Variants in SPNS3 observed in about 807,000 individuals in gnomAD.
SPNS3 encodes the protein SPNS lysolipid transporter 3, sphingosine-1-phosphate (putative).
Under a neutral mutation model 54.4 loss-of-function variants are expected in SPNS3, and 51 were observed. That is an observed-to-expected ratio of 0.94 (90% confidence interval 0.75 to 1.18). The LOEUF is 1.18. SPNS3 is among the 50% of genes most tolerant of loss of function. The pLI is 0.00. For missense variants in SPNS3, 669 were observed against 677.4 expected (o/e 0.99, Z 0.14); for synonymous variants, 309 against 294.7 (o/e 1.05, Z -0.50).
At chr17:4,475,605 C>T (rs1449031565) in intron 8 of SPNS3, among the ~76,000 whole-genome samples, 3 of 152,116 alleles carry the variant, frequency 2.0e-5, no homozygotes, top group African/African-American at 7.2e-5. Context: ...GACCAGTCCG[C>T]GCCTGGGGCC....
Position 4,487,905 on chromosome 17 carries a change from T to C in SPNS3, c.*11T>C. The C allele has an allele frequency of 1.9e-6, 3 of 1,612,234 alleles. No individual in the cohort carries two copies. The highest frequency in any genetic ancestry group is 2.5e-6 in the Non-Finnish European group (3 of 1,178,482). The stretch of plus-strand genomic sequence containing the variant: ...ACAGAGGAGCCCTGAGGTCCCTGCC[T>C]ACACTCGTCCTGCCTGCAAGCCTCC... On this transcript the variant is annotated 3_prime_UTR_variant, in exon 12 of 12. Coordinates refer to ENST00000355530, the MANE Select transcript of SPNS3 (RefSeq NM_182538.5).
intron 8 of SPNS3, among the ~76,000 whole-genome samples, chr17:4,461,994 G>C (rs1382862812): frequency 6.6e-6 from 1 of 152,094 alleles, no homozygotes; most frequent in Non-Finnish European, 1.5e-5. Flanking sequence ...AAAGGAGTCA[G>C]CATTAGGATG....
intron 1 of SPNS3, among the ~76,000 whole-genome samples, chr17:4,438,940 CTGTGTGTGTGTGTG>C (rs35255085): frequency 6.7e-6 from 1 of 149,282 alleles, no homozygotes; most frequent in Non-Finnish European, 1.5e-5. Flanking sequence ...GAGTGAGTTC[CTGTGTGTGTGTGTG>C]TGTGTGTGTG....
At chr17:4,445,209 C>T (rs766753135) in intron 3 of SPNS3, 41 bp downstream of exon 3, 9 of 1,568,124 alleles carry the variant, frequency 5.7e-6, no homozygotes, top group Non-Finnish European at 2.6e-6. Context: ...GAGGCCCCTT[C>T]CCCACCTGCT....
chr17:4,466,084 A>C (rs943935407), intron 8 of SPNS3, among the ~76,000 whole-genome samples: 1 of 152,258 alleles, frequency 6.6e-6, no homozygotes, highest in Non-Finnish European at 1.5e-5. Flanking sequence ...GGCCATGGCC[A>C]GGTGGCTGAG....
chr17:4,473,743 G>A (rs1480191908), intron 8 of SPNS3, among the ~76,000 whole-genome samples: 2 of 152,120 alleles, frequency 1.3e-5, no homozygotes, highest in East Asian at 3.9e-4. Flanking sequence ...CCTGATAACT[G>A]CCCATCTGGT....
At chr17:4,462,163 AT>A in intron 8 of SPNS3, among the ~76,000 whole-genome samples, 1 of 2 alleles carries the variant, frequency 0.5, no homozygotes, top group African/African-American at 0.5. Flanking sequence ...CCATCCATCC[AT>A]CCATCCATCC....
At chr17:4,461,595 T>C (rs192401128) in intron 8 of SPNS3, among the ~76,000 whole-genome samples, 68 of 152,176 alleles carry the variant, frequency 4.5e-4, no homozygotes, top group Non-Finnish European at 7.8e-4. Flanking sequence ...GTTGTTAGAA[T>C]GCAGGTGAGA....
intron 8 of SPNS3, among the ~76,000 whole-genome samples, chr17:4,476,339 G>A (rs921554204): frequency 6.6e-6 from 1 of 152,178 alleles, no homozygotes; most frequent in East Asian, 1.9e-4. Context: ...TCCCTCTGAT[G>A]GGCTCTATTT....
At chr17:4,445,730 G>A (rs1220064025) in intron 3 of SPNS3, among the ~76,000 whole-genome samples, 2 of 151,928 alleles carry the variant, frequency 1.3e-5, no homozygotes, top group Non-Finnish European at 2.9e-5. Context: ...TCTCACTGCC[G>A]CACCAGCTTC....
intron 7 of SPNS3, among the ~76,000 whole-genome samples, chr17:4,449,864 G>A (rs149413080): frequency 2.6e-5 from 4 of 152,046 alleles, no homozygotes; most frequent in Admixed American, 1.3e-4. Context: ...GGGGAGGCGC[G>A]GGCACTCTGC....
intron 2 of SPNS3, among the ~76,000 whole-genome samples, chr17:4,440,397 G>A (rs1448057333): frequency 6.6e-6 from 1 of 152,192 alleles, no homozygotes; most frequent in African/African-American, 2.4e-5. Context: ...AGCAGGCACC[G>A]AGGGTCCTCA....
chr17:4,457,126 T>G (rs1597320392), intron 8 of SPNS3, among the ~76,000 whole-genome samples: 1 of 152,218 alleles, frequency 6.6e-6, no homozygotes, highest in African/African-American at 2.4e-5. Flanking sequence ...GTGCAGTGGC[T>G]GACGTCTGGA....
chr17:4,454,544 A>G (rs191150432), intron 8 of SPNS3, among the ~76,000 whole-genome samples: 2 of 151,486 alleles, frequency 1.3e-5, no homozygotes, highest in African/African-American at 4.9e-5. Flanking sequence ...CTCTAGTCAC[A>G]CACATGAACT....
intron 1 of SPNS3, among the ~76,000 whole-genome samples, chr17:4,439,177 G>A (rs1015799733): frequency 1.3e-5 from 2 of 151,748 alleles, no homozygotes; most frequent in African/African-American, 4.8e-5. Context: ...AGGCTGGAGT[G>A]CAATGGCGCG....
At chr17:4,452,748 C>T (rs897688847) in intron 7 of SPNS3, among the ~76,000 whole-genome samples, 3 of 151,802 alleles carry the variant, frequency 2.0e-5, no homozygotes, top group Non-Finnish European at 4.4e-5. Context: ...AGGGTGATCA[C>T]CCACATGGCC....
intron 8 of SPNS3, among the ~76,000 whole-genome samples, chr17:4,454,554 T>G (rs1371540423): frequency 6.7e-6 from 1 of 148,320 alleles, no homozygotes; most frequent in East Asian, 2.1e-4. Context: ...ACACATGAAC[T>G]AAACAGTCTG....
rs1194188864 is a variant in SPNS3, at chr17:4,462,754, A to AATCC, written c.1113+9595_1113+9598dup. Among the ~76,000 whole-genome samples, 20 of 20,400 alleles carry AATCC rather than the reference A, an allele frequency of 9.8e-4. 1 individual carries two copies. The East Asian group carries it at 0.012, about 12-fold the overall frequency. 13.4% of individuals were successfully genotyped at this position (20,400 alleles called of 152,430 possible). On this transcript the variant is annotated intron_variant, in intron 8 of 11. Coordinates refer to ENST00000355530, the MANE Select transcript of SPNS3 (RefSeq NM_182538.5). ...CCATCCACCAATCCATCCATCCACC[A>AATCC]ATCCATCCATCCATCCATCCATCCA...
At chr17:4,448,402 G>T in intron 6 of SPNS3, 99 bp downstream of exon 6, 3 of 1,243,260 alleles carry the variant, frequency 2.4e-6, no homozygotes, top group African/African-American at 1.6e-5. Context: ...GCCCTCCCTG[G>T]TTGTCCCAGT....
Sources: gnomAD v4.1 joint callset for allele counts (sites outside exome capture counted in the v4.1 genomes callset) on GRCh38, gnomAD v4.1.1 for gene constraint, MANE v1.5 for transcripts, NCBI Gene and HGNC (gene_info 2026-07-23, HGNC 2026-07-21) for gene names.